The following ADGRL2 variants were observed in gnomAD, a reference collection of about 807,000 sequenced individuals.
ADGRL2 encodes adhesion G protein-coupled receptor L2, also known as calcium-independent alpha-latrotoxin receptor 2.
Under a neutral mutation model 157.4 loss-of-function variants are expected in ADGRL2, and 44 were observed. That is an observed-to-expected ratio of 0.28 (90% CI 0.22 to 0.36). ADGRL2 has a LOEUF of 0.36. Among genes scored for constraint, ADGRL2 ranks in the 10% least tolerant of loss-of-function variants. The pLI, the probability that ADGRL2 is intolerant of heterozygous loss-of-function variation, is 1.00. For synonymous variants in ADGRL2, 585 were observed against 624.7 expected, an observed-to-expected ratio of 0.94 and a Z score of 0.95; for missense variants, 1,510 against 1,768.9, an observed-to-expected ratio of 0.85 and a Z score of 2.63.
intron 1 of ADGRL2, among the ~76,000 whole-genome samples, chr1:81,379,662 T>A (rs562681948): frequency 5.9e-5 from 9 of 152,292 alleles, no homozygotes; most frequent in African/African-American, 2.2e-4. Flanking sequence ...CCTGCCTGCA[T>A]GCTGGCGTCT....
intron 3 of ADGRL2, among the ~76,000 whole-genome samples, chr1:81,913,828 A>G (rs1272122389): frequency 1.3e-5 from 2 of 152,186 alleles, no homozygotes; most frequent in Non-Finnish European, 2.9e-5. Flanking sequence ...GCCTGTACCT[A>G]GAACCTCATT....
At chr1:81,562,881 A>G (rs186021123) in intron 2 of ADGRL2, among the ~76,000 whole-genome samples, 9 of 152,232 alleles carry the variant, frequency 5.9e-5, no homozygotes, top group Admixed American at 5.9e-4. Context: ...TATTATTTCT[A>G]TAATATTTCA....
intron 2 of ADGRL2, chr1:81,502,051 G>T (rs1311903561): frequency 6.2e-7 from 1 of 1,602,394 alleles, no homozygotes; most frequent in Non-Finnish European, 8.5e-7. Flanking sequence ...TGAACTCAGA[G>T]CCTGAGGAAG....
At chr1:81,888,239 C>T (rs1374671601) in intron 2 of ADGRL2, among the ~76,000 whole-genome samples, 1 of 152,008 alleles carries the variant, frequency 6.6e-6, no homozygotes. Context: ...AAATACAACT[C>T]TTTATCAAAA....
At chr1:81,564,376 T>C (rs1035875254) in intron 2 of ADGRL2, among the ~76,000 whole-genome samples, 1 of 152,230 alleles carries the variant, frequency 6.6e-6, no homozygotes, top group African/African-American at 2.4e-5. Flanking sequence ...GTTGTAGTTA[T>C]CGCAAGGTTA....
intron 1 of ADGRL2, among the ~76,000 whole-genome samples, chr1:81,360,597 T>C (rs886522335): frequency 6.6e-6 from 1 of 151,986 alleles, no homozygotes; most frequent in Admixed American, 6.5e-5. Context: ...ATGTGCTTAC[T>C]TTCTGTCTAT....
At chr1:81,468,739 T>G (rs571184080) in intron 2 of ADGRL2, among the ~76,000 whole-genome samples, 1 of 152,304 alleles carries the variant, frequency 6.6e-6, no homozygotes, top group Non-Finnish European at 1.5e-5. Flanking sequence ...AGCTGGATTT[T>G]TGAATATGTT....
Position 81,644,708 on chromosome 1 carries a change from C to T in ADGRL2, c.-143+63728C>T, listed in dbSNP as rs542435234. Among the ~76,000 whole-genome samples the T allele has an allele frequency of 8.6e-5, 13 of 152,046 alleles. 1 individual carries two copies. In the East Asian group the frequency reaches 1.7e-3, roughly 20 times the overall value. On this transcript the variant is annotated intron_variant, in intron 3 of 24. Coordinates refer to the ADGRL2 transcript ENST00000370721. ...AACCCTAATGTAAACTATGGACTCCCGGTGATGATGTATCAAGGTAGGTTC... is the reference window on the plus strand; with the variant it reads ...AACCCTAATGTAAACTATGGACTCCTGGTGATGATGTATCAAGGTAGGTTC...
intron 2 of ADGRL2, among the ~76,000 whole-genome samples, chr1:81,874,386 A>C (rs2093774741): frequency 6.6e-6 from 1 of 152,186 alleles, no homozygotes; most frequent in African/African-American, 2.4e-5. Flanking sequence ...CAAAAGTAAC[A>C]GTCAACATCT....
intron 2 of ADGRL2, among the ~76,000 whole-genome samples, chr1:81,895,320 A>G (rs1346162040): frequency 6.6e-6 from 1 of 151,760 alleles, no homozygotes; most frequent in Non-Finnish European, 1.5e-5. Flanking sequence ...ATATGGAAAT[A>G]TAATAAAAAT....
At chr1:81,770,521 T>C (rs1032153668) in intron 2 of ADGRL2, among the ~76,000 whole-genome samples, 1 of 151,450 alleles carries the variant, frequency 6.6e-6, no homozygotes, top group Non-Finnish European at 1.5e-5. Context: ...TTGCCCAGGC[T>C]GGAGTCCAAT....
At chr1:81,483,017 T>A (rs1243324169) in intron 2 of ADGRL2, among the ~76,000 whole-genome samples, 2 of 152,204 alleles carry the variant, frequency 1.3e-5, no homozygotes, top group East Asian at 1.9e-4. Context: ...GCTATTTTTT[T>A]ATTTAATTTG....
At position 81,786,117 on chromosome 1, in the gene ADGRL2, A is replaced by T. The variant is rs112603384; in HGVS notation, c.-101+24265A>T. On this transcript the variant is annotated intron_variant, in intron 2 of 20. Transcript: ENST00000359929. The stretch of plus-strand genomic sequence containing the variant: ...AGACTTCATCTCCAAAAAATAAAAT[A>T]AAATTAAATAAAGAGTTATATTCCA... 5.2e-3 allele frequency among the ~76,000 whole-genome samples: 795 copies of T among 152,238 alleles called. 7 individuals are homozygous for T. Among genetic ancestry groups the T allele is most frequent in the South Asian group, 0.041 (197 of 4,820 alleles).
intron 1 of ADGRL2, among the ~76,000 whole-genome samples, chr1:81,340,435 A>C (rs561489344): frequency 6.6e-6 from 1 of 151,896 alleles, no homozygotes; most frequent in Admixed American, 6.6e-5. Flanking sequence ...TACAGAAGCA[A>C]TTTTTTCTCT....
intron 2 of ADGRL2, among the ~76,000 whole-genome samples, chr1:81,483,459 C>T (rs1318357754): frequency 4.6e-5 from 7 of 152,090 alleles, no homozygotes; most frequent in Non-Finnish European, 1.0e-4. Flanking sequence ...GAGAGCAGAA[C>T]AAGGTATAGA....
At chr1:81,458,566 A>G (rs2077855121) in intron 2 of ADGRL2, among the ~76,000 whole-genome samples, 2 of 152,204 alleles carry the variant, frequency 1.3e-5, no homozygotes, top group African/African-American at 4.8e-5. Context: ...CATCCGCTTC[A>G]GCCCAGCAGG....
intron 1 of ADGRL2, among the ~76,000 whole-genome samples, chr1:81,816,722 T>C (rs1468431144): frequency 6.6e-6 from 1 of 152,020 alleles, no homozygotes. Flanking sequence ...ATTATTCAAC[T>C]CTTTCCAAAG....
rs189492900 is a variant in ADGRL2 at position 81,832,545 on chromosome 1, G to A, written c.-100-4340G>A. Among the ~76,000 whole-genome samples the A allele has an allele frequency of 8.5e-5, 13 of 152,306 alleles. No homozygotes were observed. The East Asian group carries it at 2.1e-3, about 25-fold the overall frequency. ...TGAGTGTCTACTATGTCTGCGAAAC[G>A]AAGAAATTTTAGTAAAGGGTAAGAC... On this transcript the variant is annotated intron_variant, in intron 1 of 23. Coordinates refer to ENST00000686636, the MANE Select transcript of ADGRL2 (RefSeq NM_001366006.2).
chr1:81,986,033 T>C (rs1001520496), intron 21 of ADGRL2, among the ~76,000 whole-genome samples: 1 of 152,202 alleles, frequency 6.6e-6, no homozygotes, highest in Admixed American at 6.6e-5. Context: ...GTTGACATTG[T>C]TCTAGTGAGA....
Sources: allele counts gnomAD v4.1 joint callset (sites outside exome capture counted in the v4.1 genomes callset), GRCh38; gene constraint gnomAD v4.1.1; transcripts MANE v1.5; gene names NCBI Gene and HGNC (gene_info 2026-07-23, HGNC 2026-07-21).